Variants in DOP1B observed in about 807,000 individuals in gnomAD.
DOP1B encodes the protein DOP1 leucine zipper like protein B.
In DOP1B, 174 loss-of-function variants were observed where a neutral mutation model predicts 233.5. The observed-to-expected ratio is 0.75, with a 90% CI of 0.66 to 0.85. The LOEUF is 0.85. Among genes scored for constraint, DOP1B ranks in the 40% least tolerant of loss-of-function variants. The pLI is 0.00. For missense variants in DOP1B, 2,652 were observed against 2,846.6 expected (o/e 0.93, Z 1.56); for synonymous variants, 1,190 against 1,185.6 (o/e 1.00, Z -0.08).
chr21:36,223,816 G>A (rs2066652427), intron 11 of DOP1B, among the ~76,000 whole-genome samples: 1 of 152,062 alleles, frequency 6.6e-6, no homozygotes, highest in Admixed American at 6.6e-5. Flanking sequence ...CGGGTGAATT[G>A]CACCACCCCT....
chr21:36,232,046 A>G (rs2066772566), intron 14 of DOP1B, among the ~76,000 whole-genome samples: 1 of 152,062 alleles, frequency 6.6e-6, no homozygotes, highest in Non-Finnish European at 1.5e-5. Flanking sequence ...GGGTTTCACC[A>G]TGTTGGCCAG....
intron 4 of DOP1B, among the ~76,000 whole-genome samples, chr21:36,205,777 G>C (rs980115397): frequency 3.3e-5 from 5 of 151,950 alleles, no homozygotes; most frequent in Non-Finnish European, 7.4e-5. Flanking sequence ...AGGCCGAGGC[G>C]GGGGGTTACC....
intron 35 of DOP1B, among the ~76,000 whole-genome samples, chr21:36,290,918 C>T (rs960559678): frequency 4.0e-5 from 6 of 150,966 alleles, no homozygotes; most frequent in Non-Finnish European, 7.4e-5. Flanking sequence ...TGCAGTGAGC[C>T]GACATCGCAC....
At chr21:36,210,411 G>A (rs548142668) in intron 5 of DOP1B, among the ~76,000 whole-genome samples, 1 of 152,104 alleles carries the variant, frequency 6.6e-6, no homozygotes, top group Non-Finnish European at 1.5e-5. Flanking sequence ...TTGGGAGGCC[G>A]AGGCGGGTGG....
chr21:36,217,462 G>A lies in DOP1B; in HGVS notation c.1130-1910G>A, dbSNP rs774560056. On this transcript the variant is annotated intron_variant, in intron 9 of 36. Coordinates refer to ENST00000691173, the MANE Select transcript of DOP1B (RefSeq NM_001320714.2). ...AAAGACTAAGGTTGGGTGGGAGTAG[G>A]TAATTTGCCCAGGGCCAGTCAGGAG... Among the ~76,000 whole-genome samples the A allele has an allele frequency of 9.8e-5, 15 of 152,322 alleles. No homozygotes were observed. In the South Asian group the frequency reaches 1.2e-3, roughly 13 times the overall value.
chr21:36,227,934 C>T (rs1179503580), intron 13 of DOP1B, 57 bp downstream of exon 13: 3 of 1,454,938 alleles, frequency 2.1e-6, no homozygotes, highest in African/African-American at 1.4e-5. Flanking sequence ...TTATGCCTTC[C>T]TGGGAGTAGA....
intron 22 of DOP1B, among the ~76,000 whole-genome samples, chr21:36,252,674 C>T (rs1284181935): frequency 1.3e-5 from 2 of 152,014 alleles, no homozygotes; most frequent in Non-Finnish European, 2.9e-5. Flanking sequence ...CCACCACACT[C>T]AGCTAATTTT....
Position 36,230,702 on chromosome 21 carries a change from A to G in DOP1B, c.1918A>G (p.Lys640Glu), listed in dbSNP as rs758914156. Residue 640 changes from lysine (K) to glutamate (E), a missense_variant, in exon 14 of 37, where the codon AAG becomes GAG. Physicochemically the swap from Lys to Glu is moderately conservative, Grantham distance 56. Around this residue, in one of 3 missense-constraint regions of DOP1B, gnomAD observed 2,617 missense variants for 2,794.3 expected, o/e 0.94. Coordinates refer to ENST00000691173, the MANE Select transcript of DOP1B (RefSeq NM_001320714.2). The part of the protein sequence containing the change: ...IQELIANFAS[K>E]NIFGVQLTAS... ...AGAGCTAATCGCCAACTTTGCCAGC[A>G]AGAACATTTTTGGAGTACAGCTGAC... 1.7e-5 allele frequency: 28 copies of G among 1,614,218 alleles called. No individual in the cohort carries two copies. The Admixed American group carries it at 4.2e-4, about 24-fold the overall frequency.
chr21:36,188,856 G>A (rs985109478), intron 2 of DOP1B, among the ~76,000 whole-genome samples: 3 of 152,098 alleles, frequency 2.0e-5, no homozygotes, highest in Non-Finnish European at 2.9e-5. Context: ...TATTTTACGG[G>A]CTAAATAAAG....
At position 36,245,347 on chromosome 21, in the gene DOP1B, G is replaced by A. The variant is rs368185993; in HGVS notation, c.3367G>A (p.Glu1123Lys). 8.7e-5 allele frequency: 140 copies of A among 1,613,974 alleles called. No individual in the cohort carries two copies. Among genetic ancestry groups the A allele is most frequent in the Admixed American group, 2.0e-4 (12 of 59,992 alleles). Residue 1123 changes from glutamate to lysine, a missense_variant, in exon 19 of 37, where the codon GAG becomes AAG. Around this residue, in one of 3 missense-constraint regions of DOP1B, gnomAD observed 2,617 missense variants for 2,794.3 expected, o/e 0.94. Coordinates refer to ENST00000691173, the MANE Select transcript of DOP1B (RefSeq NM_001320714.2). The surrounding 1 kb of genome is among the most constrained non-coding windows in gnomAD (Gnocchi z 5.5). ...TACAAGCTCCTGCCACACGGACAGC[G>A]AGAACACGTCCTCCTTCTCCTCCCC... Reference protein sequence around the residue: ...ADTSSCHTDSENTSSFSSPSH... With the variant: ...ADTSSCHTDSKNTSSFSSPSH...
At chr21:36,201,253 T>G (rs1422265855) in intron 4 of DOP1B, among the ~76,000 whole-genome samples, 2 of 152,086 alleles carry the variant, frequency 1.3e-5, no homozygotes, top group Non-Finnish European at 2.9e-5. Context: ...TACCTCCATT[T>G]ACAGGTGAGG....
At chr21:36,197,775 C>A (rs7280107) in intron 2 of DOP1B, among the ~76,000 whole-genome samples, 30,655 of 152,054 alleles carry the variant, frequency 0.2, 3,043 homozygotes, top group African/African-American at 0.22. Context: ...TTTGGGAGGC[C>A]GAGGCGGGTG....
rs140548585 is a variant in DOP1B, at chr21:36,227,730, C to A, written c.1518C>A (p.Leu506=). 2 of 1,605,676 alleles carry A rather than the reference C, an allele frequency of 1.2e-6. No homozygotes were observed. Among genetic ancestry groups the A allele is most frequent in the Non-Finnish European group, 8.5e-7 (1 of 1,174,354 alleles). Residue 506 remains leucine (L), a synonymous_variant, in exon 13 of 37, where the codon CTC becomes CTA. Transcript: ENST00000691173. ...EVQTQYLPQV[L]GCLVQPLAED... ...AAACCCAGTATCTCCCTCAGGTGCT[C>A]GGCTGCCTGGTGCAGCCTCTTGCTG...
chr21:36,288,222 A>T, intron 33 of DOP1B, 72 bp downstream of exon 33: 1 of 1,428,668 alleles, frequency 7.0e-7, no homozygotes, highest in South Asian at 1.3e-5. Context: ...AACATAACGT[A>T]CTATTTCCTA....
intron 32 of DOP1B, among the ~76,000 whole-genome samples, chr21:36,283,107 G>A (rs1187564270): frequency 6.6e-6 from 1 of 150,560 alleles, no homozygotes; most frequent in Non-Finnish European, 1.5e-5. Context: ...TTTGAGCCAG[G>A]GTCTCCCTCT....
chr21:36,185,323 T>C lies in DOP1B; in HGVS notation c.139-13747T>C, dbSNP rs566830981. Among the ~76,000 whole-genome samples, 12 of 152,320 alleles carry C rather than the reference T, an allele frequency of 7.9e-5. No homozygotes were observed. The South Asian group carries it at 2.5e-3, about 32-fold the overall frequency. On this transcript the variant is annotated intron_variant, in intron 2 of 36. Transcript: ENST00000691173. ...GAAGGGAGAGTCGGCCCCACATCCT[T>C]ACCTTCTTTTCCTGTGGTTTATTGC... is the stretch of plus-strand genomic sequence containing the variant.
intron 1 of DOP1B, among the ~76,000 whole-genome samples, chr21:36,158,723 A>T (rs1205591573): frequency 6.7e-6 from 1 of 150,196 alleles, no homozygotes; most frequent in African/African-American, 2.4e-5. Context: ...GAATCACTTC[A>T]ATCTAGGAGG....
intron 26 of DOP1B, among the ~76,000 whole-genome samples, chr21:36,266,553 G>A (rs1291845768): frequency 6.6e-6 from 1 of 152,182 alleles, no homozygotes; most frequent in East Asian, 1.9e-4. Context: ...GGGGCACAGA[G>A]CTTCCATGCC....
At chr21:36,251,955 C>T (rs1010648542) in intron 22 of DOP1B, among the ~76,000 whole-genome samples, 8 of 152,056 alleles carry the variant, frequency 5.3e-5, no homozygotes, top group Admixed American at 1.3e-4. Context: ...AATCTCAACA[C>T]TTTGGGAGGC....
Sources: gnomAD v4.1 joint callset for allele counts (sites outside exome capture counted in the v4.1 genomes callset) on GRCh38, gnomAD v4.1.1 for gene constraint, gnomAD v4.1.1 regional missense constraint, Gnocchi (gnomAD v3.1) non-coding constraint, MANE v1.5 for transcripts, NCBI Gene and HGNC (gene_info 2026-07-23, HGNC 2026-07-21) for gene names.